Variants in PBRM1 observed in about 807,000 individuals in gnomAD.
PBRM1 encodes the protein protein polybromo-1.
In PBRM1, 27 loss-of-function variants were observed where a neutral mutation model predicts 194.5. The ratio of observed to expected loss-of-function variants is 0.14; its 90% CI spans 0.10 to 0.19. PBRM1 has a LOEUF of 0.19. Among genes scored for constraint, PBRM1 ranks in the 10% least tolerant of loss-of-function variants. PBRM1 has a pLI of 1.00. For missense variants in PBRM1, 1,466 were observed against 2,077.2 expected, an observed-to-expected ratio of 0.71 and a Z score of 5.72; for synonymous variants, 655 against 693.2, an observed-to-expected ratio of 0.94 and a Z score of 0.87.
chr3:52,667,305 A>C (rs984951634), intron 3 of PBRM1, among the ~76,000 whole-genome samples: 6 of 152,186 alleles, frequency 3.9e-5, no homozygotes, highest in African/African-American at 1.4e-4. Context: ...GATTAAACTA[A>C]AATAAAACAT....
intron 2 of PBRM1, among the ~76,000 whole-genome samples, chr3:52,671,580 C>A (rs1029722180): frequency 6.6e-6 from 1 of 152,202 alleles, no homozygotes; most frequent in Non-Finnish European, 1.5e-5. Flanking sequence ...CAAGTTCTCA[C>A]CTATAAACTG....
intron 1 of PBRM1, among the ~76,000 whole-genome samples, 195 bp downstream of exon 2, chr3:52,679,379 C>T (rs1337229789): frequency 1.3e-5 from 2 of 152,168 alleles, no homozygotes; most frequent in Admixed American, 6.6e-5. Context: ...ATGTAACATA[C>T]TGAAATTATT....
intron 13 of PBRM1, among the ~76,000 whole-genome samples, chr3:52,623,599 G>A (rs1462857013): frequency 3.3e-5 from 5 of 152,126 alleles, no homozygotes; most frequent in Admixed American, 6.6e-5. Flanking sequence ...GTCAATAAGC[G>A]CTACTTCAAG....
chr3:52,684,096 A>G (rs1304052783), upstream of PBRM1, among the ~76,000 whole-genome samples: 2 of 145,264 alleles, frequency 1.4e-5, no homozygotes, highest in Non-Finnish European at 3.0e-5. Flanking sequence ...TGAGCCTAGG[A>G]GCACAAGGCT....
chr3:52,555,520 T>G (rs1394832029), intron 26 of PBRM1, among the ~76,000 whole-genome samples: 1 of 152,158 alleles, frequency 6.6e-6, no homozygotes, highest in Non-Finnish European at 1.5e-5. Flanking sequence ...TCTTTAGATC[T>G]AAAAATGTGA....
At chr3:52,604,997 T>TG (rs1409755283) in intron 16 of PBRM1, among the ~76,000 whole-genome samples, 4 of 108,328 alleles carry the variant, frequency 3.7e-5, no homozygotes, top group African/African-American at 1.2e-4. Flanking sequence ...AAATAAAATG[T>TG]GGGGAGTGGG....
At chr3:52,553,451 G>A (rs2081437730) in intron 27 of PBRM1, among the ~76,000 whole-genome samples, 1 of 151,046 alleles carries the variant, frequency 6.6e-6, no homozygotes, top group African/African-American at 2.4e-5. Context: ...AGTATCTACA[G>A]CTAGGAGGGT....
In PBRM1 at chr3:52,596,118, T is replaced by C. The variant is rs554170748; in HGVS notation, c.2780-6863A>G. 5.3e-5 allele frequency among the ~76,000 whole-genome samples: 8 copies of C among 152,236 alleles called. No individual in the cohort carries two copies. In the South Asian group the frequency reaches 1.7e-3, roughly 32 times the overall value. On this transcript the variant is annotated intron_variant, in intron 17 of 29. Transcript: ENST00000296302. ...TTTTGGCTCAAAATAACTTTAGCTA[T>C]TCTGAGTCTTTTATGGTTCCATATA...
At chr3:52,561,621 A>C (rs1206890925) in intron 25 of PBRM1, 146 bp downstream of exon 27, 1 of 737,144 alleles carries the variant, frequency 1.4e-6, no homozygotes, top group Admixed American at 1.9e-5. Flanking sequence ...TAGCATCTAA[A>C]ATACTGGTTG....
intron 7 of PBRM1, among the ~76,000 whole-genome samples, chr3:52,645,413 T>C (rs1284855442): frequency 6.6e-6 from 1 of 151,946 alleles, no homozygotes; most frequent in East Asian, 1.9e-4. Context: ...TCCTCCTGCC[T>C]TGGCCTCTCA....
chr3:52,674,091 A>G (rs2097024117), intron 2 of PBRM1, among the ~76,000 whole-genome samples: 1 of 151,680 alleles, frequency 6.6e-6, no homozygotes, highest in Non-Finnish European at 1.5e-5. Flanking sequence ...TAGAATGCAG[A>G]TAAACGAAAT....
chr3:52,586,341 A>G, intron 20 of PBRM1, 84 bp downstream of exon 22: 2 of 1,179,120 alleles, frequency 1.7e-6, no homozygotes, highest in Non-Finnish European at 2.4e-6. Context: ...CTCTTTTTCT[A>G]AGTTTGAATA....
At chr3:52,660,901 T>C (rs1013884660) in intron 4 of PBRM1, among the ~76,000 whole-genome samples, 3 of 152,222 alleles carry the variant, frequency 2.0e-5, no homozygotes, top group African/African-American at 4.8e-5. Flanking sequence ...AAAAGGCCTA[T>C]GTAGATAAGT....
At position 52,550,832 on chromosome 3, in the gene PBRM1, G is replaced by A. The variant is rs371828916; in HGVS notation, c.4610-15C>T. ...GTTCATCACACCTATAATTCAGAATGCAATGGCACAGTTAGAGGCTCTGGG... is the reference window on the plus strand; with the variant it reads ...GTTCATCACACCTATAATTCAGAATACAATGGCACAGTTAGAGGCTCTGGG... On this transcript the variant is annotated splice_polypyrimidine_tract_variant and intron_variant, in intron 27 of 29. Coordinates refer to ENST00000296302, the Ensembl canonical transcript of PBRM1. 1.3e-6 allele frequency: 2 copies of A among 1,559,626 alleles called. No individual in the cohort carries two copies. Among genetic ancestry groups the A allele is most frequent in the Non-Finnish European group, 1.8e-6 (2 of 1,131,496 alleles).
upstream of PBRM1, among the ~76,000 whole-genome samples, chr3:52,683,512 T>C (rs1193640724): frequency 6.6e-6 from 1 of 152,086 alleles, no homozygotes; most frequent in African/African-American, 2.4e-5. Flanking sequence ...TTTTAATAAA[T>C]GTATTAAAAG....
chr3:52,566,998 G>C (rs951343320), intron 22 of PBRM1, among the ~76,000 whole-genome samples: 3 of 151,628 alleles, frequency 2.0e-5, no homozygotes, highest in Non-Finnish European at 4.4e-5. Flanking sequence ...GAACCTGGGA[G>C]GCGGAGGTTG....
intron 18 of PBRM1, among the ~76,000 whole-genome samples, chr3:52,588,566 T>G (rs1576244985): frequency 8.4e-6 from 1 of 118,700 alleles, no homozygotes; most frequent in South Asian, 2.6e-4. Context: ...TTTTTTTTTT[T>G]TTTTTTTGAG....
At chr3:52,563,430 T>C (rs762616641) in exon 24 of PBRM1, 1 of 1,614,122 alleles carries the variant, frequency 6.2e-7, no homozygotes, top group South Asian at 1.1e-5. Flanking sequence ...CAAATTTAGC[T>C]TCTAGCAACT....
In PBRM1 at chr3:52,629,554, A is replaced by G. The variant is rs577445984; in HGVS notation, c.1302-519T>C. Among the ~76,000 whole-genome samples the G allele has an allele frequency of 7.2e-5, 11 of 152,326 alleles. No individual in the cohort carries two copies. The South Asian group carries it at 2.3e-3, about 32-fold the overall frequency. ...GTGGTCTTATGATGGTAAAAGAGAGATAGATATGTCAGAGTCCATTCATTT... is the reference window on the plus strand; with the variant it reads ...GTGGTCTTATGATGGTAAAAGAGAGGTAGATATGTCAGAGTCCATTCATTT... On this transcript the variant is annotated intron_variant, in intron 11 of 29. Coordinates refer to ENST00000296302, the Ensembl canonical transcript of PBRM1.
Sources: gnomAD v4.1 joint callset for allele counts (sites outside exome capture counted in the v4.1 genomes callset) on GRCh38, gnomAD v4.1.1 for gene constraint, MANE v1.5 for transcripts, NCBI Gene and HGNC (gene_info 2026-07-23, HGNC 2026-07-21) for gene names.